Variants in MYOZ2 observed in about 807,000 individuals in gnomAD.
MYOZ2 encodes myozenin-2.
In MYOZ2, 19 loss-of-function variants were observed where a neutral mutation model predicts 25.4. That is an observed-to-expected ratio of 0.75 (90% confidence interval 0.52 to 1.10). The LOEUF is 1.10. Among genes scored for constraint, MYOZ2 ranks in the 50% least tolerant of loss-of-function variants. The pLI is 0.00. For synonymous variants in MYOZ2, 92 were observed against 106.9 expected (o/e 0.86, Z 0.86); for missense variants, 270 against 317.9 (o/e 0.85, Z 1.15).
At chr4:119,175,391 T>C (rs1165678272) in intron 5 of MYOZ2, among the ~76,000 whole-genome samples, 1 of 152,224 alleles carries the variant, frequency 6.6e-6, no homozygotes, top group East Asian at 1.9e-4. Context: ...AATACAAGGT[T>C]AATTGATCAA....
chr4:119,155,071 T>A (rs1741543570), intron 3 of MYOZ2, among the ~76,000 whole-genome samples: 1 of 152,028 alleles, frequency 6.6e-6, no homozygotes, highest in Admixed American at 6.6e-5. Flanking sequence ...AAAGGGGAGT[T>A]GGCATCACAT....
chr4:119,150,757 G>T lies in MYOZ2; in HGVS notation c.77-115G>T, dbSNP rs547880393. ...GAACTGAGGTTTAGAGAAAATAAAT[G>T]ACATACTTATGATTATGCAATTAGA... On this transcript the variant is annotated intron_variant, in intron 2 of 5. Coordinates refer to ENST00000307128, the MANE Select transcript of MYOZ2 (RefSeq NM_016599.5). 20 of 1,030,882 alleles carry T rather than the reference G, an allele frequency of 1.9e-5. No individual in the cohort carries two copies. In the African/African-American group the frequency reaches 2.3e-4, roughly 12 times the overall value. 63.9% of individuals were successfully genotyped at this position (1,030,882 alleles called of 1,614,324 possible). A position where few individuals can be genotyped will look rare whatever the true frequency, so the allele number is the denominator to read the frequency against.
intron 3 of MYOZ2, among the ~76,000 whole-genome samples, chr4:119,152,219 T>A (rs1741471315): frequency 7.8e-6 from 1 of 128,930 alleles, no homozygotes. Flanking sequence ...AATGATTTTT[T>A]AATTGAAGTC....
intron 3 of MYOZ2, among the ~76,000 whole-genome samples, chr4:119,152,572 C>G (rs1741478851): frequency 6.6e-6 from 1 of 152,000 alleles, no homozygotes; most frequent in Non-Finnish European, 1.5e-5. Context: ...ACCAGTATTT[C>G]AAATTATTGA....
intron 1 of MYOZ2, among the ~76,000 whole-genome samples, 199 bp downstream of exon 1, chr4:119,136,181 A>C (rs1741018305): frequency 6.6e-6 from 1 of 152,192 alleles, no homozygotes; most frequent in Admixed American, 6.5e-5. Flanking sequence ...TGATGCTGGT[A>C]CAAATGAAGG....
At chr4:119,183,419 A>G (rs1742227728) in intron 5 of MYOZ2, among the ~76,000 whole-genome samples, 1 of 151,200 alleles carries the variant, frequency 6.6e-6, no homozygotes, top group South Asian at 2.1e-4. Context: ...CCAAGCAGAG[A>G]GAGAAAAAAA....
At chr4:119,177,421 T>C (rs867157126) in intron 5 of MYOZ2, among the ~76,000 whole-genome samples, 1 of 152,148 alleles carries the variant, frequency 6.6e-6, no homozygotes, top group African/African-American at 2.4e-5. Flanking sequence ...CTCTAGCAAA[T>C]TCGGTCTGTG....
At chr4:119,144,584 T>C (rs146892785) in intron 2 of MYOZ2, among the ~76,000 whole-genome samples, 25 of 152,332 alleles carry the variant, frequency 1.6e-4, no homozygotes, top group African/African-American at 5.8e-4. Context: ...AGTGACCCAG[T>C]TTCTCCACAT....
chr4:119,150,667 T>C (rs1191768414), intron 2 of MYOZ2, among the ~76,000 whole-genome samples: 1 of 152,146 alleles, frequency 6.6e-6, no homozygotes, highest in Non-Finnish European at 1.5e-5. Flanking sequence ...AGCATTTTTA[T>C]TTCATTCTCA....
chr4:119,155,218 C>T (rs1290370041), intron 3 of MYOZ2, among the ~76,000 whole-genome samples: 1 of 152,164 alleles, frequency 6.6e-6, no homozygotes, highest in Non-Finnish European at 1.5e-5. Context: ...GACCAAACGC[C>T]TCCCATTAGG....
At chr4:119,149,113 G>C (rs1561108241) in intron 2 of MYOZ2, among the ~76,000 whole-genome samples, 4 of 151,892 alleles carry the variant, frequency 2.6e-5, no homozygotes, top group African/African-American at 9.7e-5. Context: ...ACTCATTACT[G>C]CAGGTGAATG....
At position 119,187,227 on chromosome 4, in the gene MYOZ2, AAGTTAT is replaced by A. The variant is rs1397811370; in HGVS notation, c.*1035_*1040del. ...GACATAAAAGACACAAACTAATATA[AAGTTAT>A]AGTTATATCTTAAAATATAATTGAA... On this transcript the variant is annotated 3_prime_UTR_variant, in exon 6 of 6. Transcript: ENST00000307128. 1.3e-5 allele frequency: 2 copies of A among 152,166 alleles called. No homozygotes were observed. The highest frequency in any genetic ancestry group is 2.9e-5 in the Non-Finnish European group (2 of 68,010). 9.4% of individuals were successfully genotyped at this position (152,166 alleles called of 1,614,324 possible). A position where few individuals can be genotyped will look rare whatever the true frequency, so the allele number is the denominator to read the frequency against.
chr4:119,160,943 C>CTA (rs140575648), intron 4 of MYOZ2, among the ~76,000 whole-genome samples: 143,750 of 151,430 alleles, frequency 0.95, 68,307 homozygotes, highest in Admixed American at 0.96. Context: ...ATATAAATAA[C>CTA]TGTATTATTC....
intron 5 of MYOZ2, among the ~76,000 whole-genome samples, chr4:119,183,424 A>G (rs772901373): frequency 2.3e-4 from 34 of 145,924 alleles, no homozygotes; most frequent in East Asian, 5.9e-4. Context: ...CAGAGAGAGA[A>G]AAAAAAAAGA....
chr4:119,176,151 T>C (rs1742068078), intron 5 of MYOZ2, among the ~76,000 whole-genome samples: 1 of 152,252 alleles, frequency 6.6e-6, no homozygotes, highest in Admixed American at 6.5e-5. Context: ...TTCCCTAGCA[T>C]GCAGCATTGT....
chr4:119,171,793 T>C (rs1164062968), intron 5 of MYOZ2, among the ~76,000 whole-genome samples: 1 of 146,404 alleles, frequency 6.8e-6, no homozygotes, highest in Non-Finnish European at 1.5e-5. Context: ...ATATCTATTT[T>C]TCACATTTTT....
intron 5 of MYOZ2, among the ~76,000 whole-genome samples, chr4:119,181,925 G>C (rs1742190681): frequency 6.6e-6 from 1 of 152,198 alleles, no homozygotes; most frequent in Non-Finnish European, 1.5e-5. Context: ...CTGAAGAACA[G>C]AGTATCTAGT....
At chr4:119,147,061 C>A (rs1453247385) in intron 2 of MYOZ2, among the ~76,000 whole-genome samples, 2 of 151,922 alleles carry the variant, frequency 1.3e-5, no homozygotes, top group African/African-American at 4.8e-5. Context: ...TATATTTTTC[C>A]AATCTGTTAC....
At chr4:119,174,322 A>G (rs147312817) in intron 5 of MYOZ2, among the ~76,000 whole-genome samples, 7,549 of 151,534 alleles carry the variant, frequency 0.05, 277 homozygotes, top group African/African-American at 0.1. Flanking sequence ...AGCACTCTGT[A>G]TCTAGCTCAA....
Sources: gnomAD v4.1 joint callset for allele counts (sites outside exome capture counted in the v4.1 genomes callset) on GRCh38, gnomAD v4.1.1 for gene constraint, MANE v1.5 for transcripts, NCBI Gene and HGNC (gene_info 2026-07-23, HGNC 2026-07-21) for gene names.